The following SCN2A variants were observed in gnomAD, a reference collection of about 807,000 sequenced individuals.
SCN2A encodes sodium channel protein type 2 subunit alpha.
In SCN2A, 20 loss-of-function variants were observed where a neutral mutation model predicts 188.7. That is an observed-to-expected ratio of 0.11 (90% CI 0.07 to 0.15). The LOEUF (loss-of-function observed/expected upper bound fraction) is 0.15, where lower values mean the gene tolerates loss of function less well. Among genes scored for constraint, SCN2A ranks in the 10% least tolerant of loss-of-function variants. The pLI is 1.00. For missense variants in SCN2A, 1,278 were observed against 2,445.0 expected, an observed-to-expected ratio of 0.52 and a Z score of 10.07; for synonymous variants, 804 against 833.1, an observed-to-expected ratio of 0.97 and a Z score of 0.60.
chr2:165,241,197 G>A (rs1693608195), intron 1 of SCN2A: 1 of 151,984 alleles, frequency 6.6e-6, no homozygotes, highest in African/African-American at 2.4e-5. Context: ...GTAAAATAGA[G>A]TTTCTTTCAG....
rs1350262853 is a variant in SCN2A, at chr2:165,374,982, A to G, written c.4254+16A>G. 1 of 1,606,646 alleles carries G rather than the reference A, an allele frequency of 6.2e-7. No homozygotes were observed. Among genetic ancestry groups the G allele is most frequent in the East Asian group, 2.2e-5 (1 of 44,728 alleles). On this transcript the variant is annotated intron_variant, in intron 22 of 26. Transcript: ENST00000375437. ...ACTTCAAGTAGTAAGTAATCACTTT[A>G]TTATTTTCCATGATGTGTAATTAAA...
chr2:165,302,223 T>C (rs1696854688), intron 3 of SCN2A, among the ~76,000 whole-genome samples: 1 of 152,232 alleles, frequency 6.6e-6, no homozygotes, highest in South Asian at 2.1e-4. Context: ...TATGTTATCA[T>C]TTAGTTATCT....
At chr2:165,268,768 C>G (rs1207092589) in intron 1 of SCN2A, 1 of 151,832 alleles carries the variant, frequency 6.6e-6, no homozygotes, top group Non-Finnish European at 1.5e-5. Context: ...CACACACACA[C>G]ACACGCACAC....
chr2:165,309,534 A>T, intron 6 of SCN2A, 91 bp downstream of exon 6: 1 of 1,453,076 alleles, frequency 6.9e-7, no homozygotes, highest in Non-Finnish European at 9.6e-7. Flanking sequence ...CTAGTTGCAT[A>T]TTGCAAATAA....
intron 23 of SCN2A, 59 bp downstream of exon 23, chr2:165,377,709 G>T (rs1701386071): frequency 1.5e-6 from 2 of 1,322,818 alleles, no homozygotes; most frequent in Non-Finnish European, 2.2e-6. Flanking sequence ...CTACAATATT[G>T]TAATTTAGTG....
intron 5 of SCN2A, chr2:165,309,019 CAG>C: frequency 1.9e-6 from 2 of 1,072,382 alleles, no homozygotes; most frequent in East Asian, 5.1e-5. Flanking sequence ...TCCCAAATAA[CAG>C]AGATTATGAT....
intron 1 of SCN2A, among the ~76,000 whole-genome samples, chr2:165,259,464 A>C (rs991289406): frequency 6.6e-6 from 1 of 152,230 alleles, no homozygotes; most frequent in Non-Finnish European, 1.5e-5. Flanking sequence ...CAATCTTCTC[A>C]AAACCTGCCA....
At chr2:165,344,950 A>G (rs145105068) in intron 16 of SCN2A, 39 bp downstream of exon 16, 1 of 1,611,836 alleles carries the variant, frequency 6.2e-7, no homozygotes, top group African/African-American at 1.3e-5. Context: ...TCATTAAAAG[A>G]TAATGTAATC....
intron 17 of SCN2A, among the ~76,000 whole-genome samples, chr2:165,359,211 G>A (rs1700326680): frequency 6.6e-6 from 1 of 152,072 alleles, no homozygotes. Flanking sequence ...GATCCAAGAT[G>A]CGTAATTGTT....
intron 1 of SCN2A, among the ~76,000 whole-genome samples, chr2:165,248,267 A>G (rs186061710): frequency 6.6e-6 from 1 of 152,308 alleles, no homozygotes; most frequent in East Asian, 1.9e-4. Context: ...GGTAAAAGGC[A>G]CCTGACAATT....
At chr2:165,283,196 T>C (rs71426753) in intron 1 of SCN2A, among the ~76,000 whole-genome samples, 7,161 of 152,214 alleles carry the variant, frequency 0.047, 206 homozygotes, top group Middle Eastern at 0.099. Flanking sequence ...GAAATGGAAA[T>C]ATTTAACAAA....
intron 12 of SCN2A, among the ~76,000 whole-genome samples, chr2:165,324,751 G>T (rs750847692): frequency 6.6e-6 from 1 of 152,148 alleles, no homozygotes; most frequent in African/African-American, 2.4e-5. Context: ...AGGCTTGTGC[G>T]TGGTGGAGCT....
intron 1 of SCN2A, among the ~76,000 whole-genome samples, chr2:165,250,307 A>G (rs1348295282): frequency 6.6e-6 from 1 of 152,078 alleles, no homozygotes; most frequent in Non-Finnish European, 1.5e-5. Context: ...CAAGTGACCT[A>G]TTAAAATAGC....
chr2:165,350,585 G>GCC (rs1699851463), intron 16 of SCN2A, among the ~76,000 whole-genome samples: 1 of 142,488 alleles, frequency 7.0e-6, no homozygotes, highest in Non-Finnish European at 1.5e-5. Flanking sequence ...CCATTCTCCT[G>GCC]CCTCAGCCTC....
intron 1 of SCN2A, among the ~76,000 whole-genome samples, chr2:165,291,491 T>TTTCTTTCTTTCTTTCC (rs1389976633): frequency 2.6e-5 from 1 of 38,834 alleles, no homozygotes; most frequent in Non-Finnish European, 5.1e-5. Context: ...TCTTTCTTTC[T>TTTCTTTCTTTCTTTCC]TTTCTTTCTT....
chr2:165,312,168 C>T (rs1574563497), intron 8 of SCN2A, 80 bp downstream of exon 8: 1 of 976,512 alleles, frequency 1.0e-6, no homozygotes, highest in East Asian at 2.4e-5. Context: ...CTCATCCAGT[C>T]CCACTCACTC....
chr2:165,260,603 C>T (rs1694545447), intron 1 of SCN2A, among the ~76,000 whole-genome samples: 1 of 152,028 alleles, frequency 6.6e-6, no homozygotes, highest in Non-Finnish European at 1.5e-5. Flanking sequence ...ATACAGTTAT[C>T]CCTCAGTATG....
At chr2:165,267,349 T>C (rs1377273501) in intron 1 of SCN2A, 1 of 151,976 alleles carries the variant, frequency 6.6e-6, no homozygotes, top group Non-Finnish European at 1.5e-5. Context: ...CATGCACTTA[T>C]GGTCAATAAA....
intron 1 of SCN2A, chr2:165,273,343 A>C (rs1461405229): frequency 6.6e-6 from 1 of 152,174 alleles, no homozygotes; most frequent in African/African-American, 2.4e-5. Context: ...CTCTGATTTT[A>C]GTTTAATCCT....
Sources: allele counts gnomAD v4.1 joint callset (sites outside exome capture counted in the v4.1 genomes callset), GRCh38; gene constraint gnomAD v4.1.1; transcripts MANE v1.5; gene names NCBI Gene and HGNC (gene_info 2026-07-23, HGNC 2026-07-21).